Variants in PTPRN2 observed in about 807,000 individuals in gnomAD.
PTPRN2 encodes the protein protein tyrosine phosphatase receptor type N2.
In PTPRN2, 74 loss-of-function variants were observed where a neutral mutation model predicts 118.8. The observed-to-expected ratio is 0.62, with a 90% confidence interval of 0.52 to 0.76. The LOEUF (loss-of-function observed/expected upper bound fraction) is 0.76. Among genes scored for constraint, PTPRN2 ranks in the 30% least tolerant of loss-of-function variants. PTPRN2 has a pLI of 0.00. For missense variants in PTPRN2, 1,481 were observed against 1,394.4 expected (o/e 1.06, Z -0.99); for synonymous variants, 641 against 608.0 (o/e 1.05, Z -0.80).
At chr7:158,490,498 C>G (rs942837141) in intron 1 of PTPRN2, among the ~76,000 whole-genome samples, 1 of 152,212 alleles carries the variant, frequency 6.6e-6, no homozygotes, top group Non-Finnish European at 1.5e-5. Flanking sequence ...GCCGAGCAGG[C>G]TGGCAAAGGT....
chr7:157,758,149 G>A (rs1049970416), intron 12 of PTPRN2, among the ~76,000 whole-genome samples: 8 of 152,248 alleles, frequency 5.3e-5, no homozygotes, highest in African/African-American at 1.9e-4. Context: ...CGTAGCTCCC[G>A]GCGTGGCTGC....
At chr7:158,410,700 G>A (rs926561859) in intron 2 of PTPRN2, among the ~76,000 whole-genome samples, 3 of 152,216 alleles carry the variant, frequency 2.0e-5, no homozygotes, top group East Asian at 1.9e-4. Context: ...CAGGGTCCTC[G>A]CAGACCTCAT....
intron 11 of PTPRN2, among the ~76,000 whole-genome samples, chr7:158,012,101 G>C (rs1806088200): frequency 1.3e-5 from 2 of 152,196 alleles, no homozygotes; most frequent in Admixed American, 1.3e-4. Context: ...GAAATTGTTG[G>C]ATAACTGCTC....
intron 12 of PTPRN2, among the ~76,000 whole-genome samples, chr7:157,687,814 G>C (rs953897917): frequency 5.3e-5 from 8 of 152,164 alleles, no homozygotes; most frequent in Non-Finnish European, 2.9e-5. Flanking sequence ...AAAACACGGG[G>C]GAAGGGGTGT....
rs977752353 is a variant in PTPRN2 at position 157,893,801 on chromosome 7, C to T, written c.1788+4872G>A. Among the ~76,000 whole-genome samples, 1 of 152,162 alleles carries T rather than the reference C, an allele frequency of 6.6e-6. No individual in the cohort carries two copies. Among genetic ancestry groups the T allele is most frequent in the African/African-American group, 2.4e-5 (1 of 41,436 alleles). On this transcript the variant is annotated intron_variant, in intron 12 of 22. Transcript: ENST00000389418. The surrounding 1 kb of genome is among the most constrained non-coding windows in gnomAD (Gnocchi z 4.0). The stretch of plus-strand genomic sequence containing the variant: ...AGCCAGGGCCCAGGTGAGTTCCCCA[C>T]AGGAGACAGCACCGGCAGAAAGGAG...
intron 2 of PTPRN2, among the ~76,000 whole-genome samples, chr7:158,327,296 C>T (rs1257229738): frequency 7.6e-6 from 1 of 132,110 alleles, no homozygotes; most frequent in Non-Finnish European, 1.8e-5. Flanking sequence ...CACACATGTA[C>T]ACATTCTCAC....
At chr7:157,574,902 C>T (rs1014884085) in intron 19 of PTPRN2, among the ~76,000 whole-genome samples, 1 of 152,228 alleles carries the variant, frequency 6.6e-6, no homozygotes, top group Non-Finnish European at 1.5e-5. Flanking sequence ...AAACGCTGGG[C>T]GGTGCCAGGT....
At position 158,525,790 on chromosome 7, in the gene PTPRN2, C is replaced by T. The variant is rs1824731515; in HGVS notation, c.113-36005G>A. On this transcript the variant is annotated intron_variant, in intron 1 of 22. Transcript: ENST00000389418. The surrounding 1 kb of genome is among the most constrained non-coding windows in gnomAD (Gnocchi z 4.1). ...TCTCTCCACGGCACCTGCTCCACAGCCACCTCTCTCTGCTGTGCTCACACA... is the reference window on the plus strand; with the variant it reads ...TCTCTCCACGGCACCTGCTCCACAGTCACCTCTCTCTGCTGTGCTCACACA... Among the ~76,000 whole-genome samples the T allele has an allele frequency of 6.6e-6, 1 of 152,208 alleles. No homozygotes were observed. Among genetic ancestry groups the T allele is most frequent in the Admixed American group, 6.5e-5 (1 of 15,282 alleles).
chr7:158,013,508 C>T (rs1806191204), intron 11 of PTPRN2, among the ~76,000 whole-genome samples: 1 of 151,764 alleles, frequency 6.6e-6, no homozygotes, highest in Admixed American at 6.6e-5. Flanking sequence ...TCCAATTCAT[C>T]TGTTCATCCA....
chr7:157,558,120 G>C (rs754259874), intron 21 of PTPRN2, among the ~76,000 whole-genome samples: 1 of 100,522 alleles, frequency 9.9e-6, no homozygotes, highest in Non-Finnish European at 2.2e-5. Flanking sequence ...AGACGAATAC[G>C]ATGGCTCCAC....
chr7:158,147,636 C>A (rs1585621487), intron 6 of PTPRN2, among the ~76,000 whole-genome samples: 5 of 119,630 alleles, frequency 4.2e-5, no homozygotes, highest in Admixed American at 8.3e-5. Flanking sequence ...CTTTCCCCCT[C>A]AATGACACCC....
chr7:158,572,317 G>C (rs1828085343), intron 1 of PTPRN2, among the ~76,000 whole-genome samples: 1 of 152,184 alleles, frequency 6.6e-6, no homozygotes, highest in Non-Finnish European at 1.5e-5. Flanking sequence ...TTTGGTACTG[G>C]GTAGTGATGT....
intron 3 of PTPRN2, among the ~76,000 whole-genome samples, chr7:158,280,942 A>G (rs1464499845): frequency 1.3e-5 from 2 of 152,358 alleles, no homozygotes; most frequent in East Asian, 1.9e-4. Flanking sequence ...CTCTGGAAAC[A>G]TAGGCTAGCG....
At chr7:157,797,904 A>G (rs1317489704) in intron 12 of PTPRN2, among the ~76,000 whole-genome samples, 1 of 152,148 alleles carries the variant, frequency 6.6e-6, no homozygotes, top group Admixed American at 6.5e-5. Flanking sequence ...AAGCTGGAGG[A>G]CTGGGGACTA....
At chr7:158,373,505 G>C (rs1305873253) in intron 2 of PTPRN2, among the ~76,000 whole-genome samples, 1 of 152,168 alleles carries the variant, frequency 6.6e-6, no homozygotes, top group Non-Finnish European at 1.5e-5. Context: ...GACCATCTTT[G>C]TATCACACAC....
intron 2 of PTPRN2, among the ~76,000 whole-genome samples, chr7:158,343,994 C>G (rs919706603): frequency 5.9e-5 from 9 of 152,154 alleles, no homozygotes; most frequent in African/African-American, 1.9e-4. Flanking sequence ...CACTGCCACA[C>G]CCCAAGATAA....
At chr7:158,469,232 A>C (rs997385476) in intron 2 of PTPRN2, among the ~76,000 whole-genome samples, 23 of 152,356 alleles carry the variant, frequency 1.5e-4, no homozygotes, top group Non-Finnish European at 2.8e-4. Flanking sequence ...ATTTGAGGTC[A>C]GGAGTTTGAG....
At position 157,617,401 on chromosome 7, in the gene PTPRN2, G is replaced by A. The variant is rs1415994572; in HGVS notation, c.2344+3961C>T. 9 of 147,210 alleles carry A rather than the reference G, an allele frequency of 6.1e-5. No individual in the cohort carries two copies. Among genetic ancestry groups the A allele is most frequent in the African/African-American group, 1.8e-4 (7 of 39,278 alleles). The allele number at this position is 147,210 out of a possible 1,614,324, so 9.1% of individuals were successfully genotyped here. A position where few individuals can be genotyped will look rare whatever the true frequency, so the allele number is the denominator to read the frequency against. On this transcript the variant is annotated intron_variant, in intron 15 of 22. Coordinates refer to ENST00000389418, the MANE Select transcript of PTPRN2 (RefSeq NM_002847.5). This position sits in a 1 kb window ranked among gnomAD's most constrained non-coding sequence, Gnocchi z 7.5. Reference sequence around the variant, plus strand: ...CAGAGCACGGGCGACGCTGGCTCACGATGCCCCAGTGATGCCGTGGTTAGG... The same window carrying A: ...CAGAGCACGGGCGACGCTGGCTCACAATGCCCCAGTGATGCCGTGGTTAGG...
intron 11 of PTPRN2, among the ~76,000 whole-genome samples, chr7:158,035,681 T>C (rs1808047763): frequency 6.6e-6 from 1 of 152,230 alleles, no homozygotes; most frequent in Non-Finnish European, 1.5e-5. Context: ...TCATTAGAAA[T>C]AGAAGCCTGA....
Sources: allele counts gnomAD v4.1 joint callset (sites outside exome capture counted in the v4.1 genomes callset), GRCh38; gene constraint gnomAD v4.1.1; non-coding constraint Gnocchi (gnomAD v3.1); transcripts MANE v1.5; gene names NCBI Gene and HGNC (gene_info 2026-07-23, HGNC 2026-07-21).